KBTBD3: variants seen among roughly 807,000 people sequenced by gnomAD.
KBTBD3 encodes the protein kelch repeat and BTB domain containing 3.
A neutral mutation model predicts 49.6 loss-of-function variants in KBTBD3; 38 were observed. The ratio of observed to expected loss-of-function variants is 0.77; its 90% confidence interval spans 0.59 to 1.00. The LOEUF (loss-of-function observed/expected upper bound fraction) is 1.00. Ranked by LOEUF, KBTBD3 falls within the 50% of genes least tolerant of loss-of-function variation. The pLI is 0.00. For missense variants in KBTBD3, 661 were observed against 712.0 expected (o/e 0.93, Z 0.81); for synonymous variants, 214 against 250.4 (o/e 0.85, Z 1.37).
chr11:106,058,055 A>G (rs1021552252), intron 3 of KBTBD3: 2 of 398,322 alleles, frequency 5.0e-6, no homozygotes, highest in African/African-American at 4.1e-5. Context: ...GGGAAGACCT[A>G]TACGTTAAAA....
chr11:106,059,380 G>A (rs1366634078), intron 2 of KBTBD3, among the ~76,000 whole-genome samples: 2 of 152,096 alleles, frequency 1.3e-5, no homozygotes, highest in African/African-American at 2.4e-5. Flanking sequence ...AAATGTACAA[G>A]TTGTATAAAT....
At chr11:106,073,164 G>A (rs1177738591) in intron 2 of KBTBD3, among the ~76,000 whole-genome samples, 1 of 151,788 alleles carries the variant, frequency 6.6e-6, no homozygotes, top group African/African-American at 2.4e-5. Context: ...CAAGATCACA[G>A]CTCACTGAAG....
chr11:106,073,719 G>A (rs888901322), intron 2 of KBTBD3, among the ~76,000 whole-genome samples: 3 of 152,156 alleles, frequency 2.0e-5, no homozygotes, highest in Non-Finnish European at 2.9e-5. Context: ...TCAGTTTTAG[G>A]AAATTAAAGG....
chr11:106,065,327 C>T (rs371180991), intron 2 of KBTBD3, among the ~76,000 whole-genome samples: 1 of 152,076 alleles, frequency 6.6e-6, no homozygotes, highest in South Asian at 2.1e-4. Context: ...TATACATGAT[C>T]GATATGTACA....
At chr11:106,068,072 C>T (rs1190894414) in intron 2 of KBTBD3, among the ~76,000 whole-genome samples, 2 of 150,576 alleles carry the variant, frequency 1.3e-5, no homozygotes, top group Admixed American at 1.3e-4. Flanking sequence ...AATATATATG[C>T]ACCAAATGAT....
intron 2 of KBTBD3, among the ~76,000 whole-genome samples, chr11:106,069,011 G>A (rs1860866071): frequency 6.6e-6 from 1 of 152,028 alleles, no homozygotes; most frequent in African/African-American, 2.4e-5. Flanking sequence ...CCCAGTTATG[G>A]GGAAAACTCT....
intron 2 of KBTBD3, among the ~76,000 whole-genome samples, chr11:106,072,610 G>C (rs544454785): frequency 1.3e-5 from 2 of 152,202 alleles, no homozygotes; most frequent in African/African-American, 4.8e-5. Flanking sequence ...AAAGGTAGAA[G>C]AGTCAAGCCT....
In KBTBD3 at chr11:106,053,874, A is replaced by G; in HGVS notation, c.815T>C (p.Met272Thr). 1 of 1,614,034 alleles carries G rather than the reference A, an allele frequency of 6.2e-7. No homozygotes were observed. Reference sequence around the variant, plus strand: ...ACCTTGCACACACTTAATTGCATCCATGATTATGTCAAAACAGTTTGTGCT... The same window carrying G: ...ACCTTGCACACACTTAATTGCATCCGTGATTATGTCAAAACAGTTTGTGCT... Reference protein sequence around the residue: ...LKSTNCFDIIMDAIKCVQGSG... With the variant: ...LKSTNCFDIITDAIKCVQGSG... Residue 272 changes from methionine to threonine, a missense_variant, in exon 4 of 4, where the codon ATG becomes ACG. Transcript: ENST00000531837.
rs576958012 is a variant in KBTBD3 at position 106,054,511 on chromosome 11, T to C, written c.234-56A>G. 2.2e-6 allele frequency: 3 copies of C among 1,347,086 alleles called. No homozygotes were observed. In the South Asian group the frequency reaches 6.0e-5, roughly 27 times the overall value. The allele number at this position is 1,347,086 out of a possible 1,614,324, so 83.4% of individuals were successfully genotyped here. On this transcript the variant is annotated intron_variant, in intron 3 of 3. Transcript: ENST00000531837. ...AAGAATATTTTATTCCATAATTATT[T>C]TCAATATTACCTTAAAGAGGTTTCC...
intron 2 of KBTBD3, among the ~76,000 whole-genome samples, chr11:106,070,910 A>G (rs1860904992): frequency 6.6e-6 from 1 of 151,848 alleles, no homozygotes; most frequent in Admixed American, 6.6e-5. Context: ...CATAATTTAG[A>G]TAGGTTACAG....
At chr11:106,070,739 T>C (rs925369378) in intron 2 of KBTBD3, among the ~76,000 whole-genome samples, 8 of 152,100 alleles carry the variant, frequency 5.3e-5, no homozygotes, top group African/African-American at 1.9e-4. Context: ...AAAGCTTGTG[T>C]GTGTGCAATA....
intron 2 of KBTBD3, among the ~76,000 whole-genome samples, chr11:106,061,848 C>T (rs1288046961): frequency 1.3e-5 from 2 of 151,542 alleles, no homozygotes; most frequent in African/African-American, 2.4e-5. Context: ...ATGTATAGTA[C>T]AAATACATAT....
chr11:106,073,986 A>C (rs538865027), intron 2 of KBTBD3, among the ~76,000 whole-genome samples: 2 of 152,340 alleles, frequency 1.3e-5, no homozygotes, highest in South Asian at 4.1e-4. Context: ...TCATTTATTC[A>C]ACAAATATTA....
chr11:106,056,604 T>C (rs574874124), intron 3 of KBTBD3, among the ~76,000 whole-genome samples: 27 of 152,338 alleles, frequency 1.8e-4, no homozygotes, highest in Non-Finnish European at 4.0e-4. Context: ...GTAGGTACGG[T>C]GCTAATTATC....
Position 106,052,967 on chromosome 11 carries a change from G to A in KBTBD3, c.1722C>T (p.Ser574=). The change falls in exon 4 of 4, where the codon AGC becomes AGT. Residue 574 remains serine, a synonymous_variant. Transcript: ENST00000531837. ...EITDEVQVYH[S]NRSEWEEVSP... is the part of the protein sequence containing the mutation. ...AAACTTCTTCCCATTCAGACCTGTT[G>A]CTGTGGTAGACCTGCACTTCATCTG... 1 of 1,613,748 alleles carries A rather than the reference G, an allele frequency of 6.2e-7. No homozygotes were observed. The highest frequency in any genetic ancestry group is 8.5e-7 in the Non-Finnish European group (1 of 1,179,736).
At chr11:106,062,669 T>G (rs1339904008) in intron 2 of KBTBD3, among the ~76,000 whole-genome samples, 5 of 152,240 alleles carry the variant, frequency 3.3e-5, no homozygotes, top group Non-Finnish European at 7.3e-5. Flanking sequence ...GAATCTGCTT[T>G]ACTTGGTCTC....
chr11:106,060,717 AG>A (rs1860672086), intron 2 of KBTBD3, among the ~76,000 whole-genome samples: 1 of 152,378 alleles, frequency 6.6e-6, no homozygotes, highest in Non-Finnish European at 1.5e-5. Context: ...AATACCATTC[AG>A]GACATAGGCA....
chr11:106,076,523 A>G lies in KBTBD3; in HGVS notation c.-29T>C. 1 of 152,346 alleles carries G rather than the reference A, an allele frequency of 6.6e-6. No individual in the cohort carries two copies. Among genetic ancestry groups the G allele is most frequent in the Non-Finnish European group, 1.5e-5 (1 of 68,054 alleles). The allele number at this position is 152,346 out of a possible 1,614,324, so 9.4% of individuals were successfully genotyped here. Reference sequence around the variant, plus strand: ...AATTACTACCGCTGGCCTTTGGCTGATATTTCCGGGCAGTCAGAGGAAGAA... The same window carrying G: ...AATTACTACCGCTGGCCTTTGGCTGGTATTTCCGGGCAGTCAGAGGAAGAA... On this transcript the variant is annotated 5_prime_UTR_variant, in exon 2 of 4. Transcript: ENST00000531837.
At chr11:106,055,906 A>G (rs1403663101) in intron 3 of KBTBD3, among the ~76,000 whole-genome samples, 3 of 152,196 alleles carry the variant, frequency 2.0e-5, no homozygotes, top group African/African-American at 7.2e-5. Context: ...GACACGTGTA[A>G]GATTATATTT....
Sources: gnomAD v4.1 joint callset for allele counts (sites outside exome capture counted in the v4.1 genomes callset) on GRCh38, gnomAD v4.1.1 for gene constraint, MANE v1.5 for transcripts, NCBI Gene and HGNC (gene_info 2026-07-23, HGNC 2026-07-21) for gene names.